TTLL2: variants seen among roughly 807,000 people sequenced by gnomAD.
The protein encoded by TTLL2 is probable tubulin polyglutamylase TTLL2.
A neutral mutation model predicts 7.5 loss-of-function variants in TTLL2; 10 were observed. That is an observed-to-expected ratio of 1.33 (90% CI 0.82 to 2.25). The LOEUF is 2.25. Ranked by LOEUF, TTLL2 falls within the 30% of genes most tolerant of loss-of-function variation. The pLI, the probability that TTLL2 is intolerant of heterozygous loss-of-function variation, is 0.00. For synonymous variants in TTLL2, 284 were observed against 280.3 expected (o/e 1.01, Z -0.13); for missense variants, 733 against 735.7 (o/e 1.00, Z 0.04).
In TTLL2 at chr6:167,340,127, A is replaced by G; in HGVS notation, c.227A>G (p.Glu76Gly). ...EKKKKPHLMA[E>G]DEPSGALLKP... ...TAGAAAAAACCTCATTTGATGGCGGAAGATGAACCTTCAGGGGCCCTCTTG... is the reference window on the plus strand; with the variant it reads ...TAGAAAAAACCTCATTTGATGGCGGGAGATGAACCTTCAGGGGCCCTCTTG... Residue 76 changes from glutamate (E) to glycine (G), a missense_variant, in exon 3 of 3, where the codon GAA (glutamate) becomes GGA (glycine). Glu to Gly is a moderately conservative substitution (Grantham distance 98, BLOSUM62 -2). Coordinates refer to ENST00000239587, the MANE Select transcript of TTLL2 (RefSeq NM_031949.5). 1 of 1,585,768 alleles carries G rather than the reference A, an allele frequency of 6.3e-7. No homozygotes were observed. The highest frequency in any genetic ancestry group is 8.6e-7 in the Non-Finnish European group (1 of 1,167,718).
Position 167,341,696 on chromosome 6 carries a change from T to A in TTLL2, c.*17T>A, listed in dbSNP as rs1366094749. 1.3e-6 allele frequency: 2 copies of A among 1,573,538 alleles called. No individual in the cohort carries two copies. The highest frequency in any genetic ancestry group is 8.6e-7 in the Non-Finnish European group (1 of 1,164,576). On this transcript the variant is annotated 3_prime_UTR_variant, in exon 3 of 3. Transcript: ENST00000239587. ...CATTCCTAAGTGGTAAAAAATCAAA[T>A]CAAGAAAAAGTGACATGGATTTTTA...
Position 167,341,798 on chromosome 6 carries a change from T to C in TTLL2, c.*119T>C. On this transcript the variant is annotated 3_prime_UTR_variant, in exon 3 of 3. Coordinates refer to ENST00000239587, the MANE Select transcript of TTLL2 (RefSeq NM_031949.5). ...GCCACCAGCATGTTAACTATGACAT[T>C]GGGACTGAAGATGTGGCCATATGTA... 8.9e-7 allele frequency: 1 copy of C among 1,129,930 alleles called. No homozygotes were observed. The highest frequency in any genetic ancestry group is 1.7e-5 in the South Asian group (1 of 59,636). 70.0% of individuals were successfully genotyped at this position (1,129,930 alleles called of 1,614,324 possible). A position where few individuals can be genotyped will look rare whatever the true frequency, so the allele number is the denominator to read the frequency against.
At chr6:167,325,277 C>A (rs1195554158) in intron 1 of TTLL2, 57 bp downstream of exon 1, 15 of 1,460,704 alleles carry the variant, frequency 1.0e-5, no homozygotes, top group Non-Finnish European at 1.4e-5. Flanking sequence ...TGCCTCTGTT[C>A]CAGGACCAGC....
chr6:167,332,147 C>G (rs1365082832), intron 1 of TTLL2, among the ~76,000 whole-genome samples: 1 of 152,112 alleles, frequency 6.6e-6, no homozygotes, highest in Non-Finnish European at 1.5e-5. Flanking sequence ...CCCCACACTG[C>G]GTCCGGGTGG....
In TTLL2 at chr6:167,340,324, C is replaced by A; in HGVS notation, c.424C>A (p.Gln142Lys). The A allele has an allele frequency of 6.2e-7, 1 of 1,614,166 alleles. No homozygotes were observed. The highest frequency in any genetic ancestry group is 1.6e-4 in the Middle Eastern group (1 of 6,062). ...MTEHNSVKPW[Q>K]QLNHHPGTTK... ...CGAACACAACAGTGTTAAACCGTGG[C>A]AGCAGCTAAACCACCACCCTGGAAC... Residue 142 changes from glutamine (Q) to lysine (K), a missense_variant, in exon 3 of 3, where the codon CAG becomes AAG. Transcript: ENST00000239587.
At position 167,341,233 on chromosome 6, in the gene TTLL2, G is replaced by T. The variant is rs9457304; in HGVS notation, c.1333G>T (p.Gly445Cys). Residue 445 changes from glycine (G) to cysteine (C), a missense_variant, in exon 3 of 3, where the codon GGT (glycine) becomes TGT (cysteine). Coordinates refer to ENST00000239587, the MANE Select transcript of TTLL2 (RefSeq NM_031949.5). ...CATCGACGCTGCAAAAAGTGACAGAGGTGGGCTTGATGCTCCTGACTGTCT... is the reference window on the plus strand; with the variant it reads ...CATCGACGCTGCAAAAAGTGACAGATGTGGGCTTGATGCTCCTGACTGTCT... ...SNIDAAKSDRGGLDAPDCLPY... is the reference protein window; with the variant it reads ...SNIDAAKSDRCGLDAPDCLPY... 7.4e-6 allele frequency: 12 copies of T among 1,613,496 alleles called. No individual in the cohort carries two copies. Among genetic ancestry groups the T allele is most frequent in the Non-Finnish European group, 1.0e-5 (12 of 1,179,980 alleles).
intron 1 of TTLL2, 51 bp downstream of exon 1, chr6:167,325,271 T>C (rs1490221211): frequency 1.3e-6 from 2 of 1,482,530 alleles, no homozygotes; most frequent in Non-Finnish European, 9.0e-7. Context: ...CGATCATGCC[T>C]CTGTTCCAGG....
At chr6:167,327,783 C>T (rs1248413672) in intron 1 of TTLL2, among the ~76,000 whole-genome samples, 1 of 152,164 alleles carries the variant, frequency 6.6e-6, no homozygotes, top group Non-Finnish European at 1.5e-5. Flanking sequence ...TTGTAATTAA[C>T]CTCTGAAATC....
chr6:167,331,376 T>C (rs1189613283), intron 1 of TTLL2, among the ~76,000 whole-genome samples: 1 of 152,176 alleles, frequency 6.6e-6, no homozygotes, highest in African/African-American at 2.4e-5. Flanking sequence ...GATGTGACTT[T>C]GTGTGCTTTA....
chr6:167,337,066 G>A (rs768062265), intron 1 of TTLL2, among the ~76,000 whole-genome samples: 4 of 152,194 alleles, frequency 2.6e-5, no homozygotes, highest in South Asian at 2.1e-4. Flanking sequence ...GGCTGCAGAC[G>A]TGTCCCAGCC....
intron 1 of TTLL2, 64 bp downstream of exon 1, chr6:167,325,284 C>A: frequency 1.4e-6 from 2 of 1,443,220 alleles, no homozygotes; most frequent in South Asian, 2.8e-5. Context: ...GTTCCAGGAC[C>A]AGCCCCTTCC....
intron 1 of TTLL2, among the ~76,000 whole-genome samples, chr6:167,337,821 A>G (rs973663736): frequency 2.6e-5 from 4 of 151,772 alleles, no homozygotes. Context: ...CACACACAAC[A>G]TACACACAAC....
At position 167,340,768 on chromosome 6, in the gene TTLL2, T is replaced by C; in HGVS notation, c.868T>C (p.Leu290=). 6.2e-7 allele frequency: 1 copy of C among 1,614,190 alleles called. No individual in the cohort carries two copies. The highest frequency in any genetic ancestry group is 1.3e-5 in the African/African-American group (1 of 75,022). Reference sequence around the variant, plus strand: ...CACGGAAAAGTTTGACCTCAGTAATTTGCAAAACAATTATGCCCATTTGAC... The same window carrying C: ...CACGGAAAAGTTTGACCTCAGTAATCTGCAAAACAATTATGCCCATTTGAC... ...FATEKFDLSN[L]QNNYAHLTNS... The change falls in exon 3 of 3, where the codon TTG becomes CTG. Residue 290 remains leucine, a synonymous_variant. Coordinates refer to ENST00000239587, the MANE Select transcript of TTLL2 (RefSeq NM_031949.5).
chr6:167,340,841 A>G lies in TTLL2; in HGVS notation c.941A>G (p.Glu314Gly), dbSNP rs1398062128. 6.2e-7 allele frequency: 1 copy of G among 1,614,210 alleles called. No individual in the cohort carries two copies. Among genetic ancestry groups the G allele is most frequent in the Admixed American group, 1.7e-5 (1 of 60,032 alleles). Reference sequence around the variant, plus strand: ...GGGGCCTCTTATGAGAAGATCAAAGAAGTGATTGGTCATGGTTGTAAATGG... The same window carrying G: ...GGGGCCTCTTATGAGAAGATCAAAGGAGTGATTGGTCATGGTTGTAAATGG... ...KSGASYEKIK[E>G]VIGHGCKWTL... The change falls in exon 3 of 3, where the codon GAA becomes GGA. Residue 314 changes from glutamate (E) to glycine (G), a missense_variant. Glu to Gly is a moderately conservative substitution (Grantham distance 98). Coordinates refer to ENST00000239587, the MANE Select transcript of TTLL2 (RefSeq NM_031949.5).
At chr6:167,334,364 T>C (rs1295691827) in intron 1 of TTLL2, among the ~76,000 whole-genome samples, 1 of 147,662 alleles carries the variant, frequency 6.8e-6, no homozygotes. Context: ...TACTTCCAAC[T>C]ATGTGGTCAA....
chr6:167,338,766 C>T lies in TTLL2; in HGVS notation c.167C>T (p.Pro56Leu). 4 of 1,613,540 alleles carry T rather than the reference C, an allele frequency of 2.5e-6. No individual in the cohort carries two copies. The highest frequency in any genetic ancestry group is 2.2e-5 in the South Asian group (2 of 90,978). ...CAGGAAGCAGGTGTTTCCATCCCTCCCAGGCGAGGCCGCCCAACACCAACA... is the reference window on the plus strand; with the variant it reads ...CAGGAAGCAGGTGTTTCCATCCCTCTCAGGCGAGGCCGCCCAACACCAACA... ...RLQEAGVSIP[P>L]RRGRPTPTLE... The change falls in exon 2 of 3, where the codon CCC becomes CTC. Residue 56 changes from proline to leucine, a missense_variant. Physicochemically the swap from Pro to Leu is moderately conservative, Grantham distance 98. Transcript: ENST00000239587.
chr6:167,331,256 G>T (rs1414955258), intron 1 of TTLL2, among the ~76,000 whole-genome samples: 2 of 152,066 alleles, frequency 1.3e-5, no homozygotes, highest in Admixed American at 6.5e-5. Flanking sequence ...CTGTGGTGAG[G>T]ATGTTCAATA....
Position 167,340,281 on chromosome 6 carries a change from A to G in TTLL2, c.381A>G (p.Thr127=). The G allele has an allele frequency of 6.2e-7, 1 of 1,614,144 alleles. No individual in the cohort carries two copies. Among genetic ancestry groups the G allele is most frequent in the South Asian group, 1.1e-5 (1 of 91,068 alleles). Residue 127 remains threonine, a synonymous_variant, in exon 3 of 3, where the codon ACA becomes ACG. Transcript: ENST00000239587. ...AGGACTGGAACCTGTACTGGAGGAC[A>G]TCCTCTTTCCGAATGACCGAACACA... is the stretch of plus-strand genomic sequence containing the variant. ...NAEDWNLYWR[T]SSFRMTEHNS... is the part of the protein sequence containing the mutation.
At chr6:167,327,922 ACTC>A (rs1433908956) in intron 1 of TTLL2, 2 of 442,050 alleles carry the variant, frequency 4.5e-6, no homozygotes, top group Non-Finnish European at 9.2e-6. Flanking sequence ...GTTGGTGAAA[ACTC>A]CTTTTACAGC....
Sources: allele counts gnomAD v4.1 joint callset (sites outside exome capture counted in the v4.1 genomes callset), GRCh38; gene constraint gnomAD v4.1.1; transcripts MANE v1.5; gene names NCBI Gene and HGNC (gene_info 2026-07-23, HGNC 2026-07-21).